Variants in CCDC25 observed in about 807,000 individuals in gnomAD.
CCDC25 encodes coiled-coil domain containing 25.
CCDC25 carries 16 observed loss-of-function variants against 35.3 expected under a neutral mutation model. That is an observed-to-expected ratio of 0.45 (90% CI 0.31 to 0.69). CCDC25 has a LOEUF of 0.69. Ranked by LOEUF, CCDC25 falls within the 30% of genes least tolerant of loss-of-function variation. The pLI, the probability that CCDC25 is intolerant of heterozygous loss-of-function variation, is 0.06. For missense variants in CCDC25, 179 were observed against 250.7 expected (o/e 0.71, Z 1.93); for synonymous variants, 79 against 80.3 (o/e 0.98, Z 0.09).
At chr8:27,741,679 A>AACG (rs1803444867) in intron 7 of CCDC25, among the ~76,000 whole-genome samples, 1 of 152,222 alleles carries the variant, frequency 6.6e-6, no homozygotes, top group Admixed American at 6.5e-5. Context: ...CTCCATCTCA[A>AACG]ACGACAACAA....
chr8:27,760,440 T>C (rs1804185567), intron 3 of CCDC25, among the ~76,000 whole-genome samples: 1 of 152,160 alleles, frequency 6.6e-6, no homozygotes. Flanking sequence ...TAAAAACAAC[T>C]GAAAATCATC....
intron 7 of CCDC25, among the ~76,000 whole-genome samples, chr8:27,745,489 C>G (rs1039999637): frequency 2.0e-5 from 3 of 152,050 alleles, no homozygotes; most frequent in Admixed American, 1.3e-4. Context: ...TACAGTAACA[C>G]AAAAAGCCAA....
chr8:27,748,379 C>T (rs980707227), intron 6 of CCDC25, 100 bp from the exon 7 acceptor site: 1 of 1,337,330 alleles, frequency 7.5e-7, no homozygotes, highest in South Asian at 1.2e-5. Context: ...AGTTTAATTC[C>T]CTTTAGAAAA....
chr8:27,750,511 CT>C (rs1803761639), intron 5 of CCDC25, among the ~76,000 whole-genome samples: 1 of 152,138 alleles, frequency 6.6e-6, no homozygotes, highest in Non-Finnish European at 1.5e-5. Flanking sequence ...GACCTTGAAC[CT>C]TAGCTTGAAT....
At chr8:27,768,731 C>T (rs1199195836) in intron 1 of CCDC25, among the ~76,000 whole-genome samples, 1 of 152,022 alleles carries the variant, frequency 6.6e-6, no homozygotes, top group Non-Finnish European at 1.5e-5. Flanking sequence ...GTACTGGAAC[C>T]GGTTATTTGG....
chr8:27,751,903 G>C (rs911002912), intron 5 of CCDC25, among the ~76,000 whole-genome samples: 1 of 152,116 alleles, frequency 6.6e-6, no homozygotes, highest in African/African-American at 2.4e-5. Flanking sequence ...TGCTGCACAG[G>C]AGAATCACCC....
intron 7 of CCDC25, among the ~76,000 whole-genome samples, chr8:27,747,007 T>C (rs1426826997): frequency 6.6e-6 from 1 of 152,214 alleles, no homozygotes; most frequent in Non-Finnish European, 1.5e-5. Context: ...CTCTTTTTTC[T>C]TTTTGGCATA....
intron 1 of CCDC25, among the ~76,000 whole-genome samples, chr8:27,767,800 G>C (rs1450608289): frequency 6.6e-6 from 1 of 152,064 alleles, no homozygotes; most frequent in Non-Finnish European, 1.5e-5. Context: ...TAAATCTGAA[G>C]CATTCAGGGG....
chr8:27,736,760 G>A (rs1391291141), intron 8 of CCDC25, among the ~76,000 whole-genome samples: 1 of 152,092 alleles, frequency 6.6e-6, no homozygotes, highest in Non-Finnish European at 1.5e-5. Context: ...TCAAACATAG[G>A]CTAGTTTACC....
At position 27,746,403 on chromosome 8, in the gene CCDC25, T is replaced by C. The variant is rs149154174; in HGVS notation, c.551+1674A>G. ...ACTTTGCAATGCAGTGTTTGGCAGA[T>C]GGAAAATGTTCAGAAGGGTTAGCTA... On this transcript the variant is annotated intron_variant, in intron 7 of 8. Coordinates refer to ENST00000356537, the MANE Select transcript of CCDC25 (RefSeq NM_018246.3). Among the ~76,000 whole-genome samples, 363 of 152,358 alleles carry C rather than the reference T, an allele frequency of 2.4e-3. 2 individuals are homozygous for C. The highest frequency in any genetic ancestry group is 8.3e-3 in the African/African-American group (345 of 41,598).
chr8:27,747,656 TAA>T (rs1406125474), intron 7 of CCDC25: 1 of 178,456 alleles, frequency 5.6e-6, no homozygotes, highest in Non-Finnish European at 1.2e-5. Context: ...TTTCAAAATG[TAA>T]AAAAGAGTTT....
rs767015559 is a variant in CCDC25 at position 27,772,586 on chromosome 8, C to T, written c.-46G>A. ...GACTCCACCGCGGAGCAGCAGCGCTCAACTCACGAAGCTCAGGATACCAGA... is the reference window on the plus strand; with the variant it reads ...GACTCCACCGCGGAGCAGCAGCGCTTAACTCACGAAGCTCAGGATACCAGA... On this transcript the variant is annotated 5_prime_UTR_variant, in exon 1 of 9. Transcript: ENST00000356537. The T allele has an allele frequency of 9.1e-6, 14 of 1,540,734 alleles. No individual in the cohort carries two copies. The highest frequency in any genetic ancestry group is 1.1e-5 in the Non-Finnish European group (12 of 1,140,010).
intron 7 of CCDC25, among the ~76,000 whole-genome samples, chr8:27,746,901 A>G (rs928309937): frequency 6.6e-6 from 1 of 152,222 alleles, no homozygotes; most frequent in Admixed American, 6.5e-5. Flanking sequence ...TCTTTCTAAG[A>G]ATCCAGGGCA....
At chr8:27,740,895 T>G (rs1803413970) in intron 7 of CCDC25, among the ~76,000 whole-genome samples, 1 of 152,096 alleles carries the variant, frequency 6.6e-6, no homozygotes, top group Non-Finnish European at 1.5e-5. Context: ...CTACAGGAAT[T>G]CAAAGGAGGA....
At position 27,772,618 on chromosome 8, in the gene CCDC25, G is replaced by A. The variant is rs1804673461; in HGVS notation, c.-78C>T. 1 of 1,452,152 alleles carries A rather than the reference G, an allele frequency of 6.9e-7. No individual in the cohort carries two copies. Among genetic ancestry groups the A allele is most frequent in the Non-Finnish European group, 9.4e-7 (1 of 1,063,356 alleles). 90.0% of individuals were successfully genotyped at this position (1,452,152 alleles called of 1,614,324 possible). A position where few individuals can be genotyped will look rare whatever the true frequency, so the allele number is the denominator to read the frequency against. On this transcript the variant is annotated 5_prime_UTR_variant, in exon 1 of 9. Coordinates refer to ENST00000356537, the MANE Select transcript of CCDC25 (RefSeq NM_018246.3). ...CGAAGCTCAGGATACCAGACTCGCG[G>A]CGGCCGCCTGGCCCCCGGAACTCCT...
At chr8:27,771,105 T>A (rs1024886239) in intron 1 of CCDC25, among the ~76,000 whole-genome samples, 3 of 152,212 alleles carry the variant, frequency 2.0e-5, no homozygotes, top group Non-Finnish European at 4.4e-5. Flanking sequence ...CCTGATGACC[T>A]GGTAGCCATC....
chr8:27,738,387 G>A (rs976934169), intron 8 of CCDC25, among the ~76,000 whole-genome samples: 2 of 152,172 alleles, frequency 1.3e-5, no homozygotes, highest in African/African-American at 4.8e-5. Flanking sequence ...CTGAAAGAGA[G>A]AATAAAAACA....
At chr8:27,745,387 T>A (rs1227307596) in intron 7 of CCDC25, among the ~76,000 whole-genome samples, 1 of 152,176 alleles carries the variant, frequency 6.6e-6, no homozygotes, top group African/African-American at 2.4e-5. Context: ...TATTCACCCA[T>A]CCTCTTTATG....
At chr8:27,741,611 G>A (rs1416646202) in intron 7 of CCDC25, among the ~76,000 whole-genome samples, 1 of 152,166 alleles carries the variant, frequency 6.6e-6, no homozygotes, top group Non-Finnish European at 1.5e-5. Context: ...CTAGGAGGTG[G>A]AGGTTGCAGT....
Sources: gnomAD v4.1 joint callset for allele counts (sites outside exome capture counted in the v4.1 genomes callset) on GRCh38, gnomAD v4.1.1 for gene constraint, MANE v1.5 for transcripts, NCBI Gene and HGNC (gene_info 2026-07-23, HGNC 2026-07-21) for gene names.